Variants in ARSB observed in about 807,000 individuals in gnomAD.
The protein encoded by ARSB is N-acetylgalactosamine-4-sulfatase.
In ARSB, 41 loss-of-function variants were observed where a neutral mutation model predicts 50.9. The ratio of observed to expected loss-of-function variants is 0.81; its 90% confidence interval spans 0.63 to 1.04. The LOEUF (loss-of-function observed/expected upper bound fraction) is 1.04, where lower values mean the gene tolerates loss of function less well. Ranked by LOEUF, ARSB falls within the 50% of genes least tolerant of loss-of-function variation. The probability of loss-of-function intolerance (pLI) is 0.00; values close to 1 mark genes in which losing one functional copy is unlikely to be tolerated. For synonymous variants in ARSB, 269 were observed against 284.8 expected (o/e 0.94, Z 0.56); for missense variants, 672 against 693.3 (o/e 0.97, Z 0.35).
chr5:78,981,504 A>C (rs961084038), intron 1 of ARSB, among the ~76,000 whole-genome samples: 17 of 152,224 alleles, frequency 1.1e-4, no homozygotes, highest in South Asian at 4.1e-4. Flanking sequence ...TAATCTTTCT[A>C]CCAGTAGATG....
At chr5:78,918,795 G>A (rs1160960340) in intron 4 of ARSB, among the ~76,000 whole-genome samples, 2 of 152,068 alleles carry the variant, frequency 1.3e-5, no homozygotes, top group African/African-American at 4.8e-5. Flanking sequence ...TTTTTTCTCA[G>A]TTCAAAAAGT....
chr5:78,787,819 C>T lies in ARSB; in HGVS notation c.1214-5845G>A, dbSNP rs755210979. Among the ~76,000 whole-genome samples the T allele has an allele frequency of 4.7e-4, 71 of 152,088 alleles. 1 individual carries two copies. Among genetic ancestry groups the T allele is most frequent in the Admixed American group, 2.0e-4 (3 of 15,268 alleles). ...TAGACGGCTCCACAACATATTGGAG[C>T]TATAGGACTGGCCTCTGTCTGACAG... On this transcript the variant is annotated intron_variant, in intron 6 of 7. Coordinates refer to ENST00000264914, the MANE Select transcript of ARSB (RefSeq NM_000046.5).
intron 1 of ARSB, 122 bp from the exon 2 acceptor site, chr5:78,969,314 T>C (rs970747612): frequency 8.5e-6 from 9 of 1,053,790 alleles, no homozygotes; most frequent in Admixed American, 4.0e-5. Flanking sequence ...TCTATTCCTG[T>C]ACTGGCTTGA....
chr5:78,907,600 G>A (rs1462524062), intron 4 of ARSB, among the ~76,000 whole-genome samples: 2 of 152,174 alleles, frequency 1.3e-5, no homozygotes, highest in South Asian at 2.1e-4. Flanking sequence ...CAAAGGCAGC[G>A]CCTTCATGCT....
At chr5:78,930,245 T>C (rs772749478) in intron 4 of ARSB, among the ~76,000 whole-genome samples, 8 of 152,232 alleles carry the variant, frequency 5.3e-5, no homozygotes, top group Non-Finnish European at 1.2e-4. Context: ...ATTTCTTTTA[T>C]ATTTTGACTA....
chr5:78,949,465 T>C (rs1333724130), intron 4 of ARSB, among the ~76,000 whole-genome samples: 4 of 152,228 alleles, frequency 2.6e-5, no homozygotes, highest in Admixed American at 6.5e-5. Flanking sequence ...CCTTGGGTTA[T>C]AATTACATTA....
At chr5:78,887,276 G>A (rs546305370) in intron 4 of ARSB, among the ~76,000 whole-genome samples, 9 of 152,194 alleles carry the variant, frequency 5.9e-5, no homozygotes, top group African/African-American at 2.2e-4. Flanking sequence ...AGGAGAGGCA[G>A]GTGCAGGTAA....
rs569211631 is a variant in ARSB, at chr5:78,865,025, G to A, written c.1142+20559C>T. On this transcript the variant is annotated intron_variant, in intron 5 of 7. Coordinates refer to ENST00000264914, the MANE Select transcript of ARSB (RefSeq NM_000046.5). ...CATGGGCTGGCATTGAGTGTCTGTG[G>A]CTTTTCCAGGTGCATGGTGCAAGCT... 1.9e-3 allele frequency among the ~76,000 whole-genome samples: 287 copies of A among 152,286 alleles called. 2 individuals are homozygous for A. The highest frequency in any genetic ancestry group is 6.5e-3 in the African/African-American group (272 of 41,556).
At chr5:78,860,443 A>G (rs533556012) in intron 5 of ARSB, among the ~76,000 whole-genome samples, 1 of 152,360 alleles carries the variant, frequency 6.6e-6, no homozygotes, top group African/African-American at 2.4e-5. Context: ...ATTAGAACTC[A>G]GGATTAAGAA....
intron 6 of ARSB, among the ~76,000 whole-genome samples, chr5:78,798,602 T>C (rs982359629): frequency 6.6e-6 from 1 of 152,300 alleles, no homozygotes. Flanking sequence ...GTACGGTTCA[T>C]ATTCCGGTGT....
At chr5:78,862,021 T>C (rs1049310128) in intron 5 of ARSB, among the ~76,000 whole-genome samples, 6 of 152,080 alleles carry the variant, frequency 3.9e-5, no homozygotes, top group African/African-American at 1.4e-4. Flanking sequence ...CACAATTGCT[T>C]CAAAGAGAAT....
intron 1 of ARSB, 52 bp from the exon 2 acceptor site, chr5:78,969,244 A>G (rs1752344478): frequency 6.3e-7 from 1 of 1,599,718 alleles, no homozygotes. Context: ...AATATTGTGA[A>G]CAAGCAGATA....
chr5:78,974,688 T>A (rs573419391), intron 1 of ARSB, among the ~76,000 whole-genome samples: 1 of 152,336 alleles, frequency 6.6e-6, no homozygotes, highest in African/African-American at 2.4e-5. Context: ...TATTTCCTCA[T>A]TTGCAATTTC....
chr5:78,860,365 G>A (rs1276505720), intron 5 of ARSB, among the ~76,000 whole-genome samples: 2 of 152,054 alleles, frequency 1.3e-5, no homozygotes, highest in Admixed American at 6.5e-5. Context: ...TTGAAGTAAA[G>A]CACTCCTCAG....
In ARSB at chr5:78,897,269, G is replaced by T. The variant is rs913198716; in HGVS notation, c.899-11442C>A. Among the ~76,000 whole-genome samples, 4 of 152,276 alleles carry T rather than the reference G, an allele frequency of 2.6e-5. No individual in the cohort carries two copies. The South Asian group carries it at 8.3e-4, about 32-fold the overall frequency. On this transcript the variant is annotated intron_variant, in intron 4 of 7. Transcript: ENST00000264914. The stretch of plus-strand genomic sequence containing the variant: ...ACAGGACTTGGGACAATTCCTCACT[G>T]TGTGGGGTTATTACGGGCATTGCAT...
chr5:78,804,153 G>A, intron 6 of ARSB, among the ~76,000 whole-genome samples: 1 of 151,994 alleles, frequency 6.6e-6, no homozygotes. Context: ...CAAATGCCAG[G>A]GAAGAGAAGT....
chr5:78,926,139 A>G (rs1362671844), intron 4 of ARSB, among the ~76,000 whole-genome samples: 1 of 152,070 alleles, frequency 6.6e-6, no homozygotes, highest in African/African-American at 2.4e-5. Flanking sequence ...GGATCCCACA[A>G]TCCTATTTGT....
At chr5:78,900,671 T>C (rs774794408) in intron 4 of ARSB, among the ~76,000 whole-genome samples, 2 of 152,192 alleles carry the variant, frequency 1.3e-5, no homozygotes, top group Admixed American at 6.5e-5. Context: ...TATTGAGGGA[T>C]TGAAGCTGGC....
rs7704939 is a variant in ARSB at position 78,778,375 on chromosome 5, A to G, written c.*2022T>C. ...AATACAGGTTAGTAGTGACCAGAAA[A>G]TATTGCTACTGAATTGAAGGATGAC... On this transcript the variant is annotated 3_prime_UTR_variant, in exon 8 of 8. Coordinates refer to ENST00000264914, the MANE Select transcript of ARSB (RefSeq NM_000046.5). The G allele has an allele frequency of 6.6e-6, 1 of 151,998 alleles. No individual in the cohort carries two copies. The highest frequency in any genetic ancestry group is 2.1e-4 in the South Asian group (1 of 4,834). The allele number at this position is 151,998 out of a possible 1,614,324, so 9.4% of individuals were successfully genotyped here. A position where few individuals can be genotyped will look rare whatever the true frequency, so the allele number is the denominator to read the frequency against.
Sources: allele counts gnomAD v4.1 joint callset (sites outside exome capture counted in the v4.1 genomes callset), GRCh38; gene constraint gnomAD v4.1.1; transcripts MANE v1.5; gene names NCBI Gene and HGNC (gene_info 2026-07-23, HGNC 2026-07-21).